The following ZNF12 variants were observed in gnomAD, a reference collection of about 807,000 sequenced individuals.
The protein encoded by ZNF12 is gonadotropin inducible transcription repressor 3.
Under a neutral mutation model 66.6 loss-of-function variants are expected in ZNF12, and 34 were observed. The ratio of observed to expected loss-of-function variants is 0.51; its 90% confidence interval spans 0.39 to 0.68. ZNF12 has a LOEUF of 0.68. Among genes scored for constraint, ZNF12 ranks in the 30% least tolerant of loss-of-function variants. The pLI is 0.00. For synonymous variants in ZNF12, 320 were observed against 278.9 expected, an observed-to-expected ratio of 1.15 and a Z score of -1.47; for missense variants, 697 against 826.9, an observed-to-expected ratio of 0.84 and a Z score of 1.93.
Position 6,697,594 on chromosome 7 carries a change from C to A in ZNF12, c.142+91G>T. 6.3e-7 allele frequency: 1 copy of A among 1,577,200 alleles called. No individual in the cohort carries two copies. The highest frequency in any genetic ancestry group is 1.2e-5 in the South Asian group (1 of 85,988). Reference sequence around the variant, plus strand: ...GCCTGGTGCCCAAAAACAGATTACTCACATTCGTCCCATCAAATTTTAAGT... The same window carrying A: ...GCCTGGTGCCCAAAAACAGATTACTAACATTCGTCCCATCAAATTTTAAGT... On this transcript the variant is annotated intron_variant, in intron 3 of 4. Transcript: ENST00000405858. This position sits in a 1 kb window ranked among gnomAD's most constrained non-coding sequence, Gnocchi z 6.1.
intron 2 of ZNF12, among the ~76,000 whole-genome samples, chr7:6,699,537 T>C (rs1225166569): frequency 6.6e-6 from 1 of 152,206 alleles, no homozygotes; most frequent in Non-Finnish European, 1.5e-5. Context: ...GAGAACTTCC[T>C]GGGGAGCAAT....
chr7:6,696,095 T>G lies in ZNF12; in HGVS notation c.238+1244A>C, dbSNP rs184589762. Among the ~76,000 whole-genome samples the G allele has an allele frequency of 6.6e-6, 1 of 152,344 alleles. No homozygotes were observed. The highest frequency in any genetic ancestry group is 6.5e-5 in the Admixed American group (1 of 15,302). On this transcript the variant is annotated intron_variant, in intron 4 of 4. Coordinates refer to ENST00000405858, the MANE Select transcript of ZNF12 (RefSeq NM_016265.4). This position sits in a 1 kb window ranked among gnomAD's most constrained non-coding sequence, Gnocchi z 4.0. ...CAACTATAGGCTTATCTTGTGAGGC[T>G]AGCGATGATATCAACTGGAAACTTT...
chr7:6,694,082 G>A (rs757122386), intron 4 of ZNF12, among the ~76,000 whole-genome samples: 5 of 151,938 alleles, frequency 3.3e-5, no homozygotes, highest in East Asian at 1.9e-4. Flanking sequence ...CAGGAGAATC[G>A]CTTGAACCCG....
intron 4 of ZNF12, among the ~76,000 whole-genome samples, chr7:6,695,801 A>G (rs1036476019): frequency 2.0e-5 from 3 of 152,228 alleles, no homozygotes; most frequent in Non-Finnish European, 2.9e-5. Flanking sequence ...TACAGAAGTC[A>G]TGACAAAAGT....
intron 2 of ZNF12, among the ~76,000 whole-genome samples, chr7:6,699,377 C>T (rs1415056969): frequency 2.0e-5 from 3 of 152,190 alleles, no homozygotes; most frequent in Non-Finnish European, 2.9e-5. Flanking sequence ...TAGATATAGG[C>T]GTATCCACAG....
At position 6,689,069 on chromosome 7, in the gene ZNF12, A is replaced by G. The variant is rs1780028725; in HGVS notation, c.*1779T>C. 1 of 152,658 alleles carries G rather than the reference A, an allele frequency of 6.6e-6. No individual in the cohort carries two copies. The highest frequency in any genetic ancestry group is 2.1e-4 in the South Asian group (1 of 4,830). The allele number at this position is 152,658 out of a possible 1,614,324, so 9.5% of individuals were successfully genotyped here. A position where few individuals can be genotyped will look rare whatever the true frequency, so the allele number is the denominator to read the frequency against. ...TACCTAAAGTCCACTTCTGAACTGC[A>G]TAACTCCTATAAAGGTTTCAGTCTG... On this transcript the variant is annotated 3_prime_UTR_variant, in exon 5 of 5. Transcript: ENST00000405858.
chr7:6,700,540 A>C (rs552185549), intron 2 of ZNF12, among the ~76,000 whole-genome samples: 26 of 152,074 alleles, frequency 1.7e-4, no homozygotes, highest in Non-Finnish European at 3.5e-4. Context: ...CTAGCATCTC[A>C]GCTAGACACC....
At position 6,696,187 on chromosome 7, in the gene ZNF12, T is replaced by A. The variant is rs536457467; in HGVS notation, c.238+1152A>T. 6.6e-6 allele frequency among the ~76,000 whole-genome samples: 1 copy of A among 152,106 alleles called. No individual in the cohort carries two copies. The highest frequency in any genetic ancestry group is 1.5e-5 in the Non-Finnish European group (1 of 68,002). On this transcript the variant is annotated intron_variant, in intron 4 of 4. Transcript: ENST00000405858. The surrounding 1 kb of genome is among the most constrained non-coding windows in gnomAD (Gnocchi z 4.0). ...GACAGCATCTAGTCTTTGTTTACAT[T>A]AAGTCAAAGGAAACTGAGGATATAC...
Position 6,706,928 on chromosome 7 carries a change from G to A in ZNF12, c.-547C>T, listed in dbSNP as rs1057209329. On this transcript the variant is annotated 5_prime_UTR_variant, in exon 1 of 5. Coordinates refer to ENST00000405858, the MANE Select transcript of ZNF12 (RefSeq NM_016265.4). ...CTAGGGCGAGCGGTGACCTGGGGAC[G>A]CACAGGAAGCGAGGGCACTGCGGCC... 3 of 410,632 alleles carry A rather than the reference G, an allele frequency of 7.3e-6. No homozygotes were observed. Among genetic ancestry groups the A allele is most frequent in the Admixed American group, 2.8e-5 (1 of 36,008 alleles). 25.4% of individuals were successfully genotyped at this position (410,632 alleles called of 1,614,324 possible).
Position 6,697,194 on chromosome 7 carries a change from G to A in ZNF12, c.238+145C>T, listed in dbSNP as rs1357415463. ...ATAAACATAAGTTCTTACGGGGAAG[G>A]AAGAAGTCTTTGGGAGTGAGATTCA... is the stretch of plus-strand genomic sequence containing the variant. On this transcript the variant is annotated intron_variant, in intron 4 of 4. Transcript: ENST00000405858. This position sits in a 1 kb window ranked among gnomAD's most constrained non-coding sequence, Gnocchi z 6.1. 2.4e-5 allele frequency: 13 copies of A among 544,792 alleles called. No homozygotes were observed. The highest frequency in any genetic ancestry group is 4.1e-5 in the Non-Finnish European group (13 of 318,184). The allele number at this position is 544,792 out of a possible 1,614,324, so 33.7% of individuals were successfully genotyped here.
intron 4 of ZNF12, among the ~76,000 whole-genome samples, chr7:6,695,026 G>A (rs1780133630): frequency 6.6e-6 from 1 of 152,062 alleles, no homozygotes; most frequent in South Asian, 2.1e-4. Context: ...CAGGTTCAAG[G>A]GATTCTTCTG....
In ZNF12 at chr7:6,691,508, T is replaced by C. The variant is rs1169400667; in HGVS notation, c.1434A>G (p.Ser478=). ...GCACTCTCTGATGTCTCATGAGGGC[T>C]GAATTCAGGTAGAAGGTTTTTCCAC... The part of the protein sequence containing the change: ...NECGKTFYLN[S]ALMRHQRVHT... The change falls in exon 5 of 5, where the codon TCA becomes TCG. Residue 478 remains serine, a synonymous_variant. Transcript: ENST00000405858. 21 of 1,614,010 alleles carry C rather than the reference T, an allele frequency of 1.3e-5. No individual in the cohort carries two copies. The Middle Eastern group carries it at 6.6e-4, about 51-fold the overall frequency.
At position 6,705,387 on chromosome 7, in the gene ZNF12, G is replaced by C. The variant is rs1474160591; in HGVS notation, c.-50-164C>G. 1.3e-5 allele frequency among the ~76,000 whole-genome samples: 2 copies of C among 152,204 alleles called. No individual in the cohort carries two copies. The highest frequency in any genetic ancestry group is 2.9e-5 in the Non-Finnish European group (2 of 68,038). ...TTGGAAAATGATCAGGAGGGGGACC[G>C]ATCTGCACATTTGAAACTCACACAT... On this transcript the variant is annotated intron_variant, in intron 1 of 4. Coordinates refer to ENST00000405858, the MANE Select transcript of ZNF12 (RefSeq NM_016265.4). The surrounding 1 kb of genome is among the most constrained non-coding windows in gnomAD (Gnocchi z 4.0).
Position 6,703,097 on chromosome 7 carries a change from T to C in ZNF12, c.15+2062A>G, listed in dbSNP as rs949319921. ...CTGCCTTCCTGATGCTGCCACTCAC[T>C]GCATACCAACACAGCCCAAATTTTA... is the stretch of plus-strand genomic sequence containing the variant. On this transcript the variant is annotated intron_variant, in intron 2 of 4. Transcript: ENST00000405858. Among the ~76,000 whole-genome samples the C allele has an allele frequency of 3.3e-5, 5 of 151,928 alleles. No individual in the cohort carries two copies. In the South Asian group the frequency reaches 1.0e-3, roughly 32 times the overall value.
Position 6,697,361 on chromosome 7 carries a change from T to C in ZNF12, c.216A>G (p.Glu72=). ...CACCTGGATAGCTCTGAAGTAGGAA[T>C]TCTCCTTCTACTATCCATGGCTCTT... ...QGEEPWIVEG[E]FLLQSYPDEV... Residue 72 remains glutamate (E), a synonymous_variant, in exon 4 of 5, where the codon GAA becomes GAG. Coordinates refer to ENST00000405858, the MANE Select transcript of ZNF12 (RefSeq NM_016265.4). This position sits in a 1 kb window ranked among gnomAD's most constrained non-coding sequence, Gnocchi z 6.1. 1 of 1,610,928 alleles carries C rather than the reference T, an allele frequency of 6.2e-7. No individual in the cohort carries two copies. Among genetic ancestry groups the C allele is most frequent in the Non-Finnish European group, 8.5e-7 (1 of 1,178,514 alleles).
rs749927793 is a variant in ZNF12, at chr7:6,692,169, A to C, written c.773T>G (p.Val258Gly). 6.2e-7 allele frequency: 1 copy of C among 1,614,084 alleles called. No individual in the cohort carries two copies. The highest frequency in any genetic ancestry group is 2.2e-5 in the East Asian group (1 of 44,892). Residue 258 changes from valine to glycine, a missense_variant, in exon 5 of 5, where the codon GTA (valine) becomes GGA (glycine). By Grantham distance (109) the Val-to-Gly change is moderately radical. This residue lies in a region of ZNF12 where 241 missense variants were observed against 224.0 expected (regional missense o/e 1.08). Transcript: ENST00000405858. The surrounding 1 kb of genome is among the most constrained non-coding windows in gnomAD (Gnocchi z 5.1). ...IAFLQMSDLTVHQTSHMEMKP... is the reference protein window; with the variant it reads ...IAFLQMSDLTGHQTSHMEMKP... ...CATTTCCATATGAGATGTCTGATGT[A>C]CAGTGAGGTCCGACATCTGGAGAAA...
rs1288781893 is a variant in ZNF12, at chr7:6,689,336, C to T, written c.*1512G>A. The T allele has an allele frequency of 2.6e-5, 4 of 152,230 alleles. No homozygotes were observed. Among genetic ancestry groups the T allele is most frequent in the Non-Finnish European group, 5.9e-5 (4 of 68,058 alleles). The allele number at this position is 152,230 out of a possible 1,614,324, so 9.4% of individuals were successfully genotyped here. ...CCAGGCACCACATCCAGACAAGGTA[C>T]TGTTCACCACAAGATTCCACTTCCC... On this transcript the variant is annotated 3_prime_UTR_variant, in exon 5 of 5. Transcript: ENST00000405858.
intron 2 of ZNF12, among the ~76,000 whole-genome samples, chr7:6,700,450 A>G (rs1202148432): frequency 6.6e-6 from 1 of 152,032 alleles, no homozygotes; most frequent in Non-Finnish European, 1.5e-5. Context: ...GAGTCTTTCC[A>G]TTAAGAGATT....
Position 6,692,821 on chromosome 7 carries a change from C to G in ZNF12, c.239-118G>C, listed in dbSNP as rs1780095133. On this transcript the variant is annotated intron_variant, in intron 4 of 4. Transcript: ENST00000405858. This position sits in a 1 kb window ranked among gnomAD's most constrained non-coding sequence, Gnocchi z 5.1. ...TGTGAGTAGATGCTAGCTTCATGAA[C>G]AGATGAAAATAATTCCAAGTGTACT... The G allele has an allele frequency of 9.9e-7, 1 of 1,013,452 alleles. No homozygotes were observed. The highest frequency in any genetic ancestry group is 2.0e-5 in the South Asian group (1 of 51,108). 62.8% of individuals were successfully genotyped at this position (1,013,452 alleles called of 1,614,324 possible).
Sources: allele counts gnomAD v4.1 joint callset (sites outside exome capture counted in the v4.1 genomes callset), GRCh38; gene constraint gnomAD v4.1.1; regional missense constraint gnomAD v4.1.1; non-coding constraint Gnocchi (gnomAD v3.1); transcripts MANE v1.5; gene names NCBI Gene and HGNC (gene_info 2026-07-23, HGNC 2026-07-21).